Variants in UBAP2 observed in about 807,000 individuals in gnomAD.
The protein encoded by UBAP2 is ubiquitin associated protein 2.
In UBAP2, 75 loss-of-function variants were observed where a neutral mutation model predicts 139.6. The observed-to-expected ratio is 0.54, with a 90% confidence interval of 0.45 to 0.65. UBAP2 has a LOEUF of 0.65. Ranked by LOEUF, UBAP2 falls within the 30% of genes least tolerant of loss-of-function variation. UBAP2 has a pLI of 0.00. For missense variants in UBAP2, 1,368 were observed against 1,369.6 expected (o/e 1.00, Z 0.02); for synonymous variants, 526 against 526.2 (o/e 1.00, Z 0.01).
chr9:33,935,983 A>C (rs569025186), intron 16 of UBAP2, 105 bp from the exon 17 acceptor site: 103 of 1,060,466 alleles, frequency 9.7e-5, no homozygotes, highest in Non-Finnish European at 1.3e-4. Flanking sequence ...AGAAACAATT[A>C]TCTCTTTTAT....
At chr9:34,033,634 G>C (rs916422955) in intron 1 of UBAP2, among the ~76,000 whole-genome samples, 1 of 151,788 alleles carries the variant, frequency 6.6e-6, no homozygotes, top group African/African-American at 2.4e-5. Context: ...CTGAAGCGCA[G>C]TGGTGCAATC....
At chr9:33,981,481 G>C (rs1820751786) in intron 6 of UBAP2, among the ~76,000 whole-genome samples, 1 of 149,794 alleles carries the variant, frequency 6.7e-6, no homozygotes, top group Non-Finnish European at 1.5e-5. Context: ...TCAGCCTCCT[G>C]AGTTTCTGGG....
chr9:33,958,706 C>CTTTTTT (rs35500529), intron 10 of UBAP2, among the ~76,000 whole-genome samples: 1 of 122,742 alleles, frequency 8.1e-6, no homozygotes, highest in Non-Finnish European at 1.6e-5. Context: ...TGTGCCCGGC[C>CTTTTTT]TTTTTTTTTT....
intron 13 of UBAP2, among the ~76,000 whole-genome samples, chr9:33,945,457 G>A (rs1044217481): frequency 6.5e-4 from 99 of 151,616 alleles, no homozygotes; most frequent in Middle Eastern, 3.5e-3. Context: ...CTGAGATGGC[G>A]CCACTGCACT....
intron 12 of UBAP2, among the ~76,000 whole-genome samples, chr9:33,949,697 C>T (rs1041256931): frequency 4.7e-5 from 7 of 149,012 alleles, no homozygotes; most frequent in Admixed American, 6.6e-5. Context: ...AGCTTAGACT[C>T]GTCTCTCATG....
intron 6 of UBAP2, among the ~76,000 whole-genome samples, chr9:33,981,627 T>C (rs2131109904): frequency 6.6e-6 from 1 of 152,004 alleles, no homozygotes; most frequent in South Asian, 2.1e-4. Context: ...GTGCTAGAAT[T>C]ACAGGCATAA....
intron 15 of UBAP2, 61 bp downstream of exon 15, chr9:33,943,359 T>G: frequency 1.3e-6 from 2 of 1,534,726 alleles, no homozygotes; most frequent in Non-Finnish European, 1.8e-6. Flanking sequence ...TGTATTCTTT[T>G]CCACCAGTTG....
At position 34,037,903 on chromosome 9, in the gene UBAP2, C is replaced by T. The variant is rs181918552; in HGVS notation, c.-42+10922G>A. Among the ~76,000 whole-genome samples, 1,026 of 150,632 alleles carry T rather than the reference C, an allele frequency of 6.8e-3. 7 individuals are homozygous for T. Among genetic ancestry groups the T allele is most frequent in the Non-Finnish European group, 7.9e-3 (535 of 67,854 alleles). ...TTTGTGGGCCTACAGCAGCTGCTCACGCCTATAATCCCAACACTTTGGGAG... is the reference window on the plus strand; with the variant it reads ...TTTGTGGGCCTACAGCAGCTGCTCATGCCTATAATCCCAACACTTTGGGAG... On this transcript the variant is annotated intron_variant, in intron 1 of 28. Transcript: ENST00000379238.
At chr9:33,992,325 G>A (rs1445193390) in intron 4 of UBAP2, among the ~76,000 whole-genome samples, 1 of 144,868 alleles carries the variant, frequency 6.9e-6, no homozygotes, top group Non-Finnish European at 1.5e-5. Flanking sequence ...GAGGCAGGAG[G>A]TTGTGGTGAG....
intron 2 of UBAP2, among the ~76,000 whole-genome samples, chr9:34,001,616 A>C (rs752137837): frequency 1.2e-4 from 19 of 152,208 alleles, no homozygotes; most frequent in Non-Finnish European, 2.4e-4. Context: ...CACTGACTCT[A>C]AATTTAGTTG....
At position 33,958,838 on chromosome 9, in the gene UBAP2, G is replaced by C. The variant is rs576520478; in HGVS notation, c.798+1988C>G. Among the ~76,000 whole-genome samples the C allele has an allele frequency of 5.9e-5, 9 of 151,378 alleles. No individual in the cohort carries two copies. In the South Asian group the frequency reaches 1.9e-3, roughly 32 times the overall value. ...GGGCTGGAGTGAGCTGGCCAACAGT[G>C]CAAGACCTAGTCTCTAAAATTAAAA... On this transcript the variant is annotated intron_variant, in intron 10 of 28. Coordinates refer to ENST00000379238, the MANE Select transcript of UBAP2 (RefSeq NM_001370062.2).
chr9:33,922,421 G>A lies in UBAP2; in HGVS notation c.*83C>T, dbSNP rs1822971313. 1 of 1,369,344 alleles carries A rather than the reference G, an allele frequency of 7.3e-7. No homozygotes were observed. Among genetic ancestry groups the A allele is most frequent in the Admixed American group, 2.0e-5 (1 of 51,202 alleles). 84.8% of individuals were successfully genotyped at this position (1,369,344 alleles called of 1,614,324 possible). On this transcript the variant is annotated 3_prime_UTR_variant, in exon 29 of 29. Transcript: ENST00000379238. Reference sequence around the variant, plus strand: ...ACACATGTCGGGAATTCTAGGAAAGGGCACTGGGCTCCCAAATACGTGCTC... The same window carrying A: ...ACACATGTCGGGAATTCTAGGAAAGAGCACTGGGCTCCCAAATACGTGCTC...
chr9:34,012,784 G>A (rs1554690466), intron 2 of UBAP2, among the ~76,000 whole-genome samples: 1 of 151,798 alleles, frequency 6.6e-6, no homozygotes, highest in Non-Finnish European at 1.5e-5. Context: ...CTGAAAAAAG[G>A]GTATTCAGTA....
At chr9:34,020,853 G>A (rs892377566) in intron 1 of UBAP2, among the ~76,000 whole-genome samples, 1 of 151,728 alleles carries the variant, frequency 6.6e-6, no homozygotes, top group Non-Finnish European at 1.5e-5. Context: ...TAGTAGAGAC[G>A]GGGTTTCACC....
At chr9:33,981,843 GA>G (rs1422686538) in intron 6 of UBAP2, among the ~76,000 whole-genome samples, 27 of 107,562 alleles carry the variant, frequency 2.5e-4, no homozygotes, top group Non-Finnish European at 4.0e-4. Flanking sequence ...GGGAAGGGGG[GA>G]AAGGGAGGGA....
At chr9:34,002,564 G>A (rs1027706323) in intron 2 of UBAP2, among the ~76,000 whole-genome samples, 18 of 151,936 alleles carry the variant, frequency 1.2e-4, no homozygotes, top group African/African-American at 4.4e-4. Flanking sequence ...TTTTAGTAGA[G>A]AACGGGTTTC....
chr9:33,998,909 T>G, intron 2 of UBAP2, 45 bp from the exon 3 acceptor site: 1 of 1,535,588 alleles, frequency 6.5e-7, no homozygotes, highest in Non-Finnish European at 8.9e-7. Context: ...ACCAAAAGCA[T>G]AAGTTAGATT....
chr9:34,023,873 T>A (rs1056837926), intron 1 of UBAP2, among the ~76,000 whole-genome samples: 2 of 151,656 alleles, frequency 1.3e-5, no homozygotes, highest in African/African-American at 4.8e-5. Flanking sequence ...TGAAACCCCA[T>A]CTCTACTAAA....
intron 20 of UBAP2, 141 bp downstream of exon 20, chr9:33,927,656 T>G: frequency 5.0e-6 from 4 of 800,336 alleles, no homozygotes; most frequent in African/African-American, 1.7e-5. Flanking sequence ...GGTGGGGAGA[T>G]TGGGCCTCAA....
Sources: gnomAD v4.1 joint callset for allele counts (sites outside exome capture counted in the v4.1 genomes callset) on GRCh38, gnomAD v4.1.1 for gene constraint, MANE v1.5 for transcripts, NCBI Gene and HGNC (gene_info 2026-07-23, HGNC 2026-07-21) for gene names.